The following GYS2 variants were observed in gnomAD, a reference collection of about 807,000 sequenced individuals.
GYS2 encodes glycogen [starch] synthase, liver.
In GYS2, 80 loss-of-function variants were observed where a neutral mutation model predicts 85.6. The observed-to-expected ratio is 0.93, with a 90% confidence interval of 0.78 to 1.13. The LOEUF is 1.13. Among genes scored for constraint, GYS2 ranks in the 50% most tolerant of loss-of-function variants. The pLI, the probability that GYS2 is intolerant of heterozygous loss-of-function variation, is 0.00. For missense variants in GYS2, 881 were observed against 854.9 expected, an observed-to-expected ratio of 1.03 and a Z score of -0.38; for synonymous variants, 328 against 300.7, an observed-to-expected ratio of 1.09 and a Z score of -0.94.
At chr12:21,582,930 A>C (rs564490236) in intron 1 of GYS2, among the ~76,000 whole-genome samples, 1 of 152,338 alleles carries the variant, frequency 6.6e-6, no homozygotes, top group Non-Finnish European at 1.5e-5. Context: ...TACTGTATAC[A>C]TAATACTTTT....
intron 1 of GYS2, among the ~76,000 whole-genome samples, chr12:21,601,476 G>A (rs1415946261): frequency 1.3e-5 from 2 of 151,994 alleles, no homozygotes; most frequent in South Asian, 2.1e-4. Context: ...TCTGAGCCCC[G>A]CTCAGATCTT....
intron 11 of GYS2, among the ~76,000 whole-genome samples, chr12:21,551,893 C>T (rs911364335): frequency 1.3e-5 from 2 of 152,174 alleles, no homozygotes; most frequent in Admixed American, 6.5e-5. Context: ...TCTACTTTAG[C>T]GTTTCCAAGC....
rs146155744 is a variant in GYS2, at chr12:21,597,580, A to G, written c.121+6892T>C. 1.1e-3 allele frequency among the ~76,000 whole-genome samples: 163 copies of G among 152,220 alleles called. 7 individuals carry two copies. In the East Asian group the frequency reaches 0.031, roughly 29 times the overall value. On this transcript the variant is annotated intron_variant, in intron 1 of 15. Transcript: ENST00000261195. ...CTGGCAAGGATGTGAAGGAAAAGGC[A>G]CTCGTAGGCACTATTGGTAAGCATG... is the stretch of plus-strand genomic sequence containing the variant.
At chr12:21,550,117 T>C (rs1944088539) in intron 11 of GYS2, among the ~76,000 whole-genome samples, 1 of 152,158 alleles carries the variant, frequency 6.6e-6, no homozygotes, top group African/African-American at 2.4e-5. Flanking sequence ...TCCTTGAGCA[T>C]TTCTTTGATT....
intron 4 of GYS2, among the ~76,000 whole-genome samples, chr12:21,573,635 C>T (rs1944410469): frequency 6.6e-6 from 1 of 152,148 alleles, no homozygotes; most frequent in Admixed American, 6.6e-5. Context: ...AAAAATGCCC[C>T]CTGTGCATTG....
intron 4 of GYS2, among the ~76,000 whole-genome samples, chr12:21,573,898 G>A (rs907322799): frequency 9.9e-5 from 15 of 152,108 alleles, no homozygotes; most frequent in African/African-American, 3.6e-4. Flanking sequence ...TATCCCTCTG[G>A]AACTATTGTT....
intron 1 of GYS2, among the ~76,000 whole-genome samples, chr12:21,604,198 C>G (rs184354154): frequency 9.1e-4 from 139 of 152,116 alleles, no homozygotes; most frequent in Admixed American, 1.7e-3. Flanking sequence ...TCTATGTTGT[C>G]ATAATATGGA....
At chr12:21,539,456 A>AGAAT (rs1943947431) in intron 14 of GYS2, 118 bp from the exon 15 acceptor site, 2 of 735,752 alleles carry the variant, frequency 2.7e-6, no homozygotes, top group Non-Finnish European at 4.9e-6. Flanking sequence ...TTAAAGTGAC[A>AGAAT]GAATCTATGC....
At chr12:21,548,839 C>T (rs1162668244) in intron 11 of GYS2, among the ~76,000 whole-genome samples, 6 of 151,986 alleles carry the variant, frequency 3.9e-5, no homozygotes, top group Admixed American at 3.3e-4. Context: ...GTGGGGGGCA[C>T]GTATTTTGCC....
intron 11 of GYS2, among the ~76,000 whole-genome samples, chr12:21,553,723 A>G (rs1285548535): frequency 6.6e-6 from 1 of 152,144 alleles, no homozygotes; most frequent in Non-Finnish European, 1.5e-5. Context: ...ATACAGGAAA[A>G]AGTGGTATGT....
chr12:21,558,102 T>TTTACA lies in GYS2; in HGVS notation c.1422+97_1422+98insTGTAA, dbSNP rs955418625. 3.3e-5 allele frequency: 26 copies of TTTACA among 777,368 alleles called. No individual in the cohort carries two copies. In the African/African-American group the frequency reaches 4.5e-4, roughly 13 times the overall value. 48.2% of individuals were successfully genotyped at this position (777,368 alleles called of 1,614,324 possible). ...TTTTCCTTTAAAATACTTAAAATATTTCTTGTAGATGTAAAAACAACTAAG... is the reference window on the plus strand; with the variant it reads ...TTTTCCTTTAAAATACTTAAAATATTTTACATCTTGTAGATGTAAAAACAACTAAG... On this transcript the variant is annotated intron_variant, in intron 11 of 15. Coordinates refer to ENST00000261195, the MANE Select transcript of GYS2 (RefSeq NM_021957.4).
intron 1 of GYS2, among the ~76,000 whole-genome samples, chr12:21,596,881 T>C (rs1156651582): frequency 6.6e-6 from 1 of 152,132 alleles, no homozygotes; most frequent in African/African-American, 2.4e-5. Flanking sequence ...CTCCTAGAAC[T>C]GATAAAATAA....
chr12:21,547,032 T>G (rs868669180), intron 11 of GYS2, among the ~76,000 whole-genome samples: 3 of 152,308 alleles, frequency 2.0e-5, no homozygotes, highest in South Asian at 2.1e-4. Flanking sequence ...CCTAACATAC[T>G]TGCCTGCTTC....
intron 1 of GYS2, among the ~76,000 whole-genome samples, chr12:21,598,318 A>G (rs1944718581): frequency 6.6e-6 from 1 of 152,226 alleles, no homozygotes; most frequent in African/African-American, 2.4e-5. Context: ...TACCTGATAC[A>G]TATAAACACG....
At chr12:21,548,543 T>C (rs1944069023) in intron 11 of GYS2, among the ~76,000 whole-genome samples, 1 of 152,200 alleles carries the variant, frequency 6.6e-6, no homozygotes. Flanking sequence ...TTAAAATTTA[T>C]ATAATTTAAT....
intron 12 of GYS2, among the ~76,000 whole-genome samples, chr12:21,544,547 AT>A (rs1944016037): frequency 6.6e-6 from 1 of 152,178 alleles, no homozygotes; most frequent in Non-Finnish European, 1.5e-5. Flanking sequence ...CCAATAGTAA[AT>A]TGTTTTACTA....
Position 21,574,207 on chromosome 12 carries a change from G to A in GYS2, c.615C>T (p.His205=), listed in dbSNP as rs569279347. 421 of 1,612,606 alleles carry A rather than the reference G, an allele frequency of 2.6e-4. 2 individuals carry two copies. The South Asian group carries it at 3.4e-3, about 13-fold the overall frequency. Residue 205 remains histidine, a synonymous_variant, in exon 4 of 16, where the codon CAC becomes CAT. Transcript: ENST00000261195. ...AGAGATACCTCCCAAGTAGTGTAGCGTGGGTTGTAAATATTGTGGCAATAG... is the reference window on the plus strand; with the variant it reads ...AGAGATACCTCCCAAGTAGTGTAGCATGGGTTGTAAATATTGTGGCAATAG... ...KLPIATIFTT[H]ATLLGRYLCA...
intron 1 of GYS2, among the ~76,000 whole-genome samples, chr12:21,589,180 T>A (rs1385528133): frequency 6.6e-6 from 1 of 152,242 alleles, no homozygotes; most frequent in Non-Finnish European, 1.5e-5. Flanking sequence ...GATTACGTAT[T>A]TCAAATTCAT....
chr12:21,597,748 A>G (rs1944712501), intron 1 of GYS2, among the ~76,000 whole-genome samples: 1 of 152,118 alleles, frequency 6.6e-6, no homozygotes, highest in African/African-American at 2.4e-5. Context: ...TACTGGTACC[A>G]CACTGTTTAT....
Sources: gnomAD v4.1 joint callset for allele counts (sites outside exome capture counted in the v4.1 genomes callset) on GRCh38, gnomAD v4.1.1 for gene constraint, MANE v1.5 for transcripts, NCBI Gene and HGNC (gene_info 2026-07-23, HGNC 2026-07-21) for gene names.